Variants in DPH6 observed in about 807,000 individuals in gnomAD.
The protein encoded by DPH6 is diphthine--ammonia ligase.
A neutral mutation model predicts 38.2 loss-of-function variants in DPH6; 33 were observed. That is an observed-to-expected ratio of 0.86 (90% CI 0.65 to 1.15). The LOEUF (loss-of-function observed/expected upper bound fraction) is 1.15, where lower values mean the gene tolerates loss of function less well. Among genes scored for constraint, DPH6 ranks in the 50% most tolerant of loss-of-function variants. The pLI is 0.00. For synonymous variants in DPH6, 108 were observed against 103.0 expected (o/e 1.05, Z -0.30); for missense variants, 325 against 320.0 (o/e 1.02, Z -0.12).
chr15:35,409,076 A>C (rs2053331426), intron 6 of DPH6, among the ~76,000 whole-genome samples: 1 of 151,852 alleles, frequency 6.6e-6, no homozygotes, highest in Non-Finnish European at 1.5e-5. Flanking sequence ...ACAGGTGTGA[A>C]TGGGATCCAA....
At chr15:35,271,884 C>G (rs1238434556) in intron 3 of DPH6, among the ~76,000 whole-genome samples, 2 of 152,214 alleles carry the variant, frequency 1.3e-5, no homozygotes, top group East Asian at 1.9e-4. Context: ...GGCATGAACT[C>G]TATAACCACA....
intron 3 of DPH6, among the ~76,000 whole-genome samples, chr15:35,245,231 G>GT: frequency 8.7e-6 from 1 of 115,250 alleles, no homozygotes; most frequent in Non-Finnish European, 1.9e-5. Flanking sequence ...CATTGTTCTT[G>GT]CTTTTTTTTT....
chr15:35,425,675 A>G lies in DPH6; in HGVS notation c.506-14779T>C, dbSNP rs1022409190. On this transcript the variant is annotated intron_variant, in intron 5 of 8. Transcript: ENST00000256538. ...AAGATATATATGGAAGTGTGTGTGT[A>G]TGTGTGTGTGTGTATGGGTGTGTGT... Among the ~76,000 whole-genome samples, 10 of 68,206 alleles carry G rather than the reference A, an allele frequency of 1.5e-4. No individual in the cohort carries two copies. The East Asian group carries it at 4.0e-3, about 27-fold the overall frequency. 44.7% of individuals were successfully genotyped at this position (68,206 alleles called of 152,430 possible). A position where few individuals can be genotyped will look rare whatever the true frequency, so the allele number is the denominator to read the frequency against.
chr15:35,505,449 C>T (rs1426400698), intron 3 of DPH6, among the ~76,000 whole-genome samples: 1 of 152,062 alleles, frequency 6.6e-6, no homozygotes, highest in East Asian at 1.9e-4. Context: ...ACTTAAGCTA[C>T]AATAAGGTCA....
chr15:35,303,888 G>T (rs1169775383), intron 3 of DPH6, among the ~76,000 whole-genome samples: 1 of 151,384 alleles, frequency 6.6e-6, no homozygotes, highest in Admixed American at 6.6e-5. Context: ...ATACTCTAAG[G>T]CCCTGGTAAT....
In DPH6 at chr15:35,381,878, A is replaced by C. The variant is rs200564485; in HGVS notation, c.606T>G (p.Gly202=). 6.4e-5 allele frequency: 104 copies of C among 1,613,674 alleles called. No homozygotes were observed. The highest frequency in any genetic ancestry group is 8.3e-5 in the Admixed American group (5 of 59,982). ...CCAAAGTGAAAGTTTCATACTCTCC[A>C]CCTTCTCCACAAACATGTACTCCAT... is the stretch of plus-strand genomic sequence containing the variant. ...KKYGVHVCGE[G]GEYETFTLDC... is the part of the protein sequence containing the mutation. The change falls in exon 7 of 9, where the codon GGT becomes GGG. Residue 202 remains glycine (G), a synonymous_variant. Coordinates refer to ENST00000256538, the MANE Select transcript of DPH6 (RefSeq NM_080650.4).
chr15:35,228,247 T>C (rs1447638219), intron 3 of DPH6, among the ~76,000 whole-genome samples: 2 of 152,242 alleles, frequency 1.3e-5, no homozygotes, highest in African/African-American at 4.8e-5. Flanking sequence ...TTTTAAACTT[T>C]TTATTATTAC....
In DPH6 at chr15:35,526,204, C is replaced by G. The variant is rs1333325443; in HGVS notation, c.312+12070G>C. 2.6e-5 allele frequency among the ~76,000 whole-genome samples: 4 copies of G among 152,256 alleles called. No individual in the cohort carries two copies. The East Asian group carries it at 7.7e-4, about 29-fold the overall frequency. The stretch of plus-strand genomic sequence containing the variant: ...TCCCACCTCCCTGCAAAATTACTAC[C>G]TAGGAAAGAATCCGTAAGAGAACTG... On this transcript the variant is annotated intron_variant, in intron 3 of 8. Coordinates refer to ENST00000256538, the MANE Select transcript of DPH6 (RefSeq NM_080650.4).
At chr15:35,364,259 A>G (rs1353804098) in intron 3 of DPH6, among the ~76,000 whole-genome samples, 2 of 152,022 alleles carry the variant, frequency 1.3e-5, no homozygotes, top group Non-Finnish European at 2.9e-5. Context: ...TTTTACAATG[A>G]CCACCTATAT....
chr15:35,402,455 A>C (rs374690083), intron 6 of DPH6, among the ~76,000 whole-genome samples: 5 of 152,206 alleles, frequency 3.3e-5, no homozygotes, highest in African/African-American at 9.6e-5. Context: ...TATCATGTAT[A>C]ATCAATAAAC....
intron 3 of DPH6, among the ~76,000 whole-genome samples, chr15:35,274,209 A>G (rs1365844978): frequency 1.3e-5 from 2 of 152,214 alleles, no homozygotes; most frequent in African/African-American, 2.4e-5. Flanking sequence ...GATGCAGAAA[A>G]CAGAAACTGG....
At chr15:35,367,370 A>C (rs946077019), downstream of DPH6, among the ~76,000 whole-genome samples, 1 of 152,018 alleles carries the variant, frequency 6.6e-6, no homozygotes, top group East Asian at 1.9e-4. Context: ...AAAATCTAAA[A>C]CAACCTCATA....
chr15:35,270,527 A>G (rs145044327), intron 3 of DPH6, among the ~76,000 whole-genome samples: 3 of 152,310 alleles, frequency 2.0e-5, no homozygotes, highest in Non-Finnish European at 4.4e-5. Flanking sequence ...CTGATAATGC[A>G]GTTACAGTGA....
chr15:35,285,240 A>G (rs2051932809), intron 3 of DPH6, among the ~76,000 whole-genome samples: 1 of 152,164 alleles, frequency 6.6e-6, no homozygotes, highest in African/African-American at 2.4e-5. Flanking sequence ...TAACTTTTCA[A>G]AGAACTTACA....
At chr15:35,229,388 T>A (rs2051502549) in intron 3 of DPH6, among the ~76,000 whole-genome samples, 1 of 152,154 alleles carries the variant, frequency 6.6e-6, no homozygotes, top group African/African-American at 2.4e-5. Context: ...TGCTTGATTC[T>A]TTTAAATTAT....
At chr15:35,505,601 T>TA (rs2054683811) in intron 3 of DPH6, among the ~76,000 whole-genome samples, 1 of 152,046 alleles carries the variant, frequency 6.6e-6, no homozygotes, top group Admixed American at 6.6e-5. Flanking sequence ...GATCCTGAAG[T>TA]TACCGTCTTG....
At chr15:35,435,637 G>T (rs2141043103) in intron 5 of DPH6, among the ~76,000 whole-genome samples, 1 of 152,142 alleles carries the variant, frequency 6.6e-6, no homozygotes, top group South Asian at 2.1e-4. Context: ...CATTCTTTTT[G>T]CCTAATAAAT....
intron 3 of DPH6, among the ~76,000 whole-genome samples, chr15:35,257,378 T>C (rs2051715312): frequency 6.6e-6 from 1 of 152,156 alleles, no homozygotes; most frequent in South Asian, 2.1e-4. Flanking sequence ...CAAAAGGAAG[T>C]CACTTACATT....
intron 3 of DPH6, among the ~76,000 whole-genome samples, chr15:35,245,818 A>G (rs1044275558): frequency 2.0e-5 from 3 of 152,242 alleles, no homozygotes; most frequent in South Asian, 2.1e-4. Flanking sequence ...CCTATAGGAC[A>G]TGAAAATTAG....
Sources: allele counts gnomAD v4.1 joint callset (sites outside exome capture counted in the v4.1 genomes callset), GRCh38; gene constraint gnomAD v4.1.1; transcripts MANE v1.5; gene names NCBI Gene and HGNC (gene_info 2026-07-23, HGNC 2026-07-21).